CDH12: variants seen among roughly 807,000 people sequenced by gnomAD.
The protein encoded by CDH12 is cadherin 12, also known as cadherin-12.
Under a neutral mutation model 74.1 loss-of-function variants are expected in CDH12, and 41 were observed. The ratio of observed to expected loss-of-function variants is 0.55; its 90% CI spans 0.43 to 0.72. The LOEUF is 0.72. CDH12 is among the 30% of genes least tolerant of loss of function. The pLI is 0.00. For synonymous variants in CDH12, 399 were observed against 355.0 expected (o/e 1.12, Z -1.39); for missense variants, 945 against 977.2 (o/e 0.97, Z 0.44).
chr5:22,369,274 C>T (rs1247392678), intron 3 of CDH12, among the ~76,000 whole-genome samples: 1 of 151,980 alleles, frequency 6.6e-6, no homozygotes, highest in Non-Finnish European at 1.5e-5. Context: ...GACAAGGAAA[C>T]ATTTTTGCTT....
intron 1 of CDH12, among the ~76,000 whole-genome samples, chr5:22,513,964 A>G (rs1736709781): frequency 6.6e-6 from 1 of 151,638 alleles, no homozygotes; most frequent in African/African-American, 2.4e-5. Context: ...AAAAAAAAAA[A>G]AAAAATGCAC....
At position 22,464,564 on chromosome 5, in the gene CDH12, C is replaced by T. The variant is rs190656883; in HGVS notation, c.-428+40706G>A. ...ATGTTGGAATTCCCTATAGTTCTGC[C>T]GTTACCCATTTTCATCCCATCACTA... is the stretch of plus-strand genomic sequence containing the variant. On this transcript the variant is annotated intron_variant, in intron 2 of 14. Transcript: ENST00000382254. 2.6e-3 allele frequency among the ~76,000 whole-genome samples: 399 copies of T among 152,188 alleles called. 2 individuals are homozygous for T. The highest frequency in any genetic ancestry group is 9.1e-3 in the African/African-American group (378 of 41,524).
intron 6 of CDH12, among the ~76,000 whole-genome samples, chr5:21,936,721 A>G (rs1260244201): frequency 5.3e-5 from 8 of 152,098 alleles, no homozygotes; most frequent in African/African-American, 1.7e-4. Context: ...TGTAATCCCC[A>G]TGTGTCATGG....
At chr5:22,652,081 A>G (rs1241898829) in intron 1 of CDH12, among the ~76,000 whole-genome samples, 1 of 152,188 alleles carries the variant, frequency 6.6e-6, no homozygotes, top group African/African-American at 2.4e-5. Flanking sequence ...TACATATAGT[A>G]ACCATGAAAT....
chr5:22,143,183 A>G (rs572723910), intron 4 of CDH12: 1 of 152,336 alleles, frequency 6.6e-6, no homozygotes, highest in Non-Finnish European at 1.5e-5. Context: ...AAAATAAGGC[A>G]TCATAATTTA....
At chr5:21,849,207 C>T (rs369327239) in intron 7 of CDH12, among the ~76,000 whole-genome samples, 1 of 151,840 alleles carries the variant, frequency 6.6e-6, no homozygotes. Flanking sequence ...CAGAATACAT[C>T]TAGTTCCTCT....
chr5:22,619,861 A>G (rs1219170479), intron 1 of CDH12, among the ~76,000 whole-genome samples: 1 of 152,152 alleles, frequency 6.6e-6, no homozygotes, highest in East Asian at 1.9e-4. Context: ...ATGATGTGTA[A>G]GCAAGAAAGC....
chr5:22,348,276 A>T (rs1006052225), intron 3 of CDH12, among the ~76,000 whole-genome samples: 1 of 152,068 alleles, frequency 6.6e-6, no homozygotes, highest in Non-Finnish European at 1.5e-5. Flanking sequence ...GAAGGAATAA[A>T]ATGACGAGGT....
At chr5:21,988,665 C>T (rs564099743) in intron 5 of CDH12, among the ~76,000 whole-genome samples, 11 of 151,870 alleles carry the variant, frequency 7.2e-5, no homozygotes, top group African/African-American at 2.4e-4. Flanking sequence ...ACAAAAAAAG[C>T]GGTGGGAAAA....
intron 1 of CDH12, among the ~76,000 whole-genome samples, chr5:22,522,125 A>C (rs375722045): frequency 7.9e-5 from 12 of 152,314 alleles, no homozygotes; most frequent in African/African-American, 2.9e-4. Flanking sequence ...CAGTTATGAT[A>C]AGACATAGTC....
At chr5:21,797,028 A>G (rs2149915529) in intron 10 of CDH12, among the ~76,000 whole-genome samples, 1 of 152,276 alleles carries the variant, frequency 6.6e-6, no homozygotes, top group Admixed American at 6.5e-5. Context: ...CGAAGGCTAG[A>G]AAAGTGAAGA....
intron 12 of CDH12, among the ~76,000 whole-genome samples, chr5:21,763,239 GTTATGAAAATAC>G (rs1200133251): frequency 6.6e-6 from 1 of 152,138 alleles, no homozygotes; most frequent in Non-Finnish European, 1.5e-5. Flanking sequence ...AATGTCCATG[GTTATGAAAATAC>G]TCTATGTCTG....
At chr5:22,620,094 G>A (rs191954019) in intron 1 of CDH12, among the ~76,000 whole-genome samples, 2 of 151,994 alleles carry the variant, frequency 1.3e-5, no homozygotes, top group East Asian at 3.9e-4. Flanking sequence ...TTTATGTTTT[G>A]TTCATTTTTG....
At chr5:22,637,599 GC>G (rs1561543820) in intron 1 of CDH12, among the ~76,000 whole-genome samples, 1 of 152,212 alleles carries the variant, frequency 6.6e-6, no homozygotes, top group African/African-American at 2.4e-5. Context: ...CGCAGATTGC[GC>G]TTCCTCTCTT....
At chr5:22,618,805 G>A (rs764922075) in intron 1 of CDH12, among the ~76,000 whole-genome samples, 4 of 152,026 alleles carry the variant, frequency 2.6e-5, no homozygotes, top group Non-Finnish European at 5.9e-5. Flanking sequence ...CTAGTAGGAG[G>A]TAATTGAATC....
At chr5:22,186,453 C>A (rs1355103863) in intron 4 of CDH12, among the ~76,000 whole-genome samples, 1 of 152,140 alleles carries the variant, frequency 6.6e-6, no homozygotes, top group African/African-American at 2.4e-5. Flanking sequence ...CAGCCAAAAT[C>A]TACAGGATTT....
In CDH12 at chr5:22,625,026, T is replaced by C. The variant is rs140713177; in HGVS notation, c.-522-119662A>G. Among the ~76,000 whole-genome samples the C allele has an allele frequency of 7.2e-3, 1,096 of 152,248 alleles. 10 individuals are homozygous for C. Among genetic ancestry groups the C allele is most frequent in the African/African-American group, 0.025 (1,058 of 41,532 alleles). On this transcript the variant is annotated intron_variant, in intron 1 of 14. Transcript: ENST00000382254. ...TCCTTTGTAGGGACACGGATGAAGC[T>C]AGAAACTATCATTCTCAGCAAACTA... is the stretch of plus-strand genomic sequence containing the variant.
At chr5:22,672,104 A>C (rs1740931890) in intron 1 of CDH12, among the ~76,000 whole-genome samples, 1 of 61,422 alleles carries the variant, frequency 1.6e-5, no homozygotes, top group African/African-American at 1.1e-4. Flanking sequence ...ATAATATATT[A>C]TTATATATAA....
At chr5:22,571,691 A>T (rs1436248537) in intron 1 of CDH12, among the ~76,000 whole-genome samples, 3 of 152,190 alleles carry the variant, frequency 2.0e-5, no homozygotes, top group Non-Finnish European at 4.4e-5. Flanking sequence ...GAACACTTAG[A>T]GATTACTGTA....
Sources: gnomAD v4.1 joint callset for allele counts (sites outside exome capture counted in the v4.1 genomes callset) on GRCh38, gnomAD v4.1.1 for gene constraint, MANE v1.5 for transcripts, NCBI Gene and HGNC (gene_info 2026-07-23, HGNC 2026-07-21) for gene names.